Variants in KCNQ5 observed in about 807,000 individuals in gnomAD.
KCNQ5 encodes the protein potassium voltage-gated channel subfamily KQT member 5.
A neutral mutation model predicts 98.2 loss-of-function variants in KCNQ5; 30 were observed. That is an observed-to-expected ratio of 0.31 (90% confidence interval 0.23 to 0.41). The LOEUF (loss-of-function observed/expected upper bound fraction) is 0.41. Among genes scored for constraint, KCNQ5 ranks in the 10% least tolerant of loss-of-function variants. KCNQ5 has a pLI of 1.00. For missense variants in KCNQ5, 835 were observed against 1,182.5 expected, an observed-to-expected ratio of 0.71 and a Z score of 4.31; for synonymous variants, 458 against 449.4, an observed-to-expected ratio of 1.02 and a Z score of -0.24.
intron 3 of KCNQ5, 68 bp from the exon 4 acceptor site, chr6:73,077,254 A>C: frequency 6.9e-7 from 1 of 1,458,328 alleles, no homozygotes. Context: ...ACCTTTTGGA[A>C]ATATTGTTTT....
At chr6:73,068,093 C>T (rs916665816) in intron 3 of KCNQ5, among the ~76,000 whole-genome samples, 6 of 152,018 alleles carry the variant, frequency 3.9e-5, no homozygotes, top group South Asian at 2.1e-4. Flanking sequence ...GTCAGGAGTT[C>T]GATACCAGCT....
At chr6:73,110,116 A>C (rs1457672728) in intron 6 of KCNQ5, among the ~76,000 whole-genome samples, 1 of 152,222 alleles carries the variant, frequency 6.6e-6, no homozygotes, top group Non-Finnish European at 1.5e-5. Flanking sequence ...CTCTAAAAAT[A>C]AAAAGAAAAG....
intron 1 of KCNQ5, among the ~76,000 whole-genome samples, chr6:72,648,104 G>T (rs888462481): frequency 4.6e-5 from 7 of 152,048 alleles, no homozygotes; most frequent in African/African-American, 1.7e-4. Context: ...AATTAAGTTT[G>T]ATAATTATTT....
chr6:73,074,376 G>T (rs1773428767), intron 3 of KCNQ5, among the ~76,000 whole-genome samples: 1 of 152,092 alleles, frequency 6.6e-6, no homozygotes, highest in African/African-American at 2.4e-5. Context: ...TTTGCCATTT[G>T]GTTGCTCATC....
chr6:73,151,238 C>G (rs1777135659), intron 10 of KCNQ5, among the ~76,000 whole-genome samples: 1 of 152,030 alleles, frequency 6.6e-6, no homozygotes, highest in Non-Finnish European at 1.5e-5. Context: ...CCACTCTATC[C>G]CTAGACCACC....
intron 7 of KCNQ5, among the ~76,000 whole-genome samples, chr6:73,113,535 A>C (rs1671740306): frequency 1.3e-5 from 2 of 152,270 alleles, no homozygotes; most frequent in African/African-American, 4.8e-5. Context: ...GGCACTAGCC[A>C]CTTCTCAAGT....
chr6:72,684,936 A>G (rs1361374572), intron 1 of KCNQ5, among the ~76,000 whole-genome samples: 1 of 152,084 alleles, frequency 6.6e-6, no homozygotes, highest in Non-Finnish European at 1.5e-5. Context: ...TCTCCTCTAT[A>G]TAATTCTTAA....
chr6:72,879,644 A>G (rs1778564324), intron 1 of KCNQ5, among the ~76,000 whole-genome samples: 1 of 152,172 alleles, frequency 6.6e-6, no homozygotes, highest in African/African-American at 2.4e-5. Context: ...GTGTCTTATG[A>G]TACAAAAAAT....
chr6:72,982,227 G>A (rs555759312), intron 1 of KCNQ5, among the ~76,000 whole-genome samples: 52 of 152,206 alleles, frequency 3.4e-4, no homozygotes, highest in African/African-American at 1.1e-3. Context: ...CTTCTGTCTC[G>A]TTATCTGTCT....
At chr6:73,077,159 T>C (rs1656129360) in intron 3 of KCNQ5, among the ~76,000 whole-genome samples, 163 bp from the exon 4 acceptor site, 1 of 152,186 alleles carries the variant, frequency 6.6e-6, no homozygotes, top group Non-Finnish European at 1.5e-5. Flanking sequence ...TCTTCAGTCT[T>C]CGGAAATGCC....
chr6:72,739,896 A>G (rs1771042271), intron 1 of KCNQ5, among the ~76,000 whole-genome samples: 1 of 152,192 alleles, frequency 6.6e-6, no homozygotes, highest in Non-Finnish European at 1.5e-5. Flanking sequence ...TATTATATTA[A>G]TTATCTATCT....
intron 2 of KCNQ5, among the ~76,000 whole-genome samples, chr6:73,005,744 G>T (rs1480385447): frequency 6.6e-6 from 1 of 152,230 alleles, no homozygotes; most frequent in Non-Finnish European, 1.5e-5. Context: ...GTGGAAATGA[G>T]TTCCTCTATG....
intron 1 of KCNQ5, among the ~76,000 whole-genome samples, chr6:72,972,582 G>C (rs1767956817): frequency 6.6e-6 from 1 of 151,770 alleles, no homozygotes; most frequent in Non-Finnish European, 1.5e-5. Flanking sequence ...TTATGAGTGA[G>C]AACATATGGT....
intron 1 of KCNQ5, chr6:72,986,868 T>A: frequency 1.1e-6 from 1 of 930,008 alleles, no homozygotes; most frequent in Admixed American, 1.8e-5. Context: ...AACCCTTGGT[T>A]CTGCGAGGCT....
intron 10 of KCNQ5, among the ~76,000 whole-genome samples, chr6:73,142,678 G>T (rs993290581): frequency 6.6e-6 from 1 of 152,176 alleles, no homozygotes; most frequent in Non-Finnish European, 1.5e-5. Context: ...CACTTTGGGA[G>T]GCTGAGGGGG....
chr6:73,135,531 C>G (rs1037519895), intron 10 of KCNQ5: 5 of 152,062 alleles, frequency 3.3e-5, no homozygotes, highest in Admixed American at 1.3e-4. Flanking sequence ...CTCCCCTGCC[C>G]CTACTCTAGG....
chr6:72,916,144 C>A (rs928580724), intron 1 of KCNQ5, among the ~76,000 whole-genome samples: 4 of 152,140 alleles, frequency 2.6e-5, no homozygotes, highest in African/African-American at 9.7e-5. Context: ...CTCTTTTATA[C>A]CACAGTGACA....
intron 1 of KCNQ5, among the ~76,000 whole-genome samples, chr6:72,730,992 T>C (rs532008493): frequency 6.6e-6 from 1 of 152,352 alleles, no homozygotes; most frequent in Non-Finnish European, 1.5e-5. Flanking sequence ...TTAAAAGCTT[T>C]CTTCATATGG....
At chr6:72,961,608 C>CGA (rs368899483) in intron 1 of KCNQ5, among the ~76,000 whole-genome samples, 16 of 114,392 alleles carry the variant, frequency 1.4e-4, no homozygotes, top group African/African-American at 4.3e-4. Flanking sequence ...GGTGACAGAG[C>CGA]GAGACTCCGT....
Sources: allele counts gnomAD v4.1 joint callset (sites outside exome capture counted in the v4.1 genomes callset), GRCh38; gene constraint gnomAD v4.1.1; transcripts MANE v1.5; gene names NCBI Gene and HGNC (gene_info 2026-07-23, HGNC 2026-07-21).